Variants in ADAMTS14 observed in about 807,000 individuals in gnomAD.
The protein encoded by ADAMTS14 is ADAM metallopeptidase with thrombospondin type 1 motif 14.
Under a neutral mutation model 128.6 loss-of-function variants are expected in ADAMTS14, and 100 were observed. The ratio of observed to expected loss-of-function variants is 0.78; its 90% CI spans 0.66 to 0.92. The LOEUF (loss-of-function observed/expected upper bound fraction) is 0.92, where lower values mean the gene tolerates loss of function less well. Ranked by LOEUF, ADAMTS14 falls within the 40% of genes least tolerant of loss-of-function variation. The pLI, the probability that ADAMTS14 is intolerant of heterozygous loss-of-function variation, is 0.00. For synonymous variants in ADAMTS14, 665 were observed against 653.8 expected (o/e 1.02, Z -0.26); for missense variants, 1,562 against 1,658.6 (o/e 0.94, Z 1.01).
At chr10:70,744,298 G>C (rs1051483539) in intron 14 of ADAMTS14, 109 bp downstream of exon 14, 1 of 1,333,374 alleles carries the variant, frequency 7.5e-7, no homozygotes, top group Non-Finnish European at 9.7e-7. Flanking sequence ...TGGGGAGAAG[G>C]GGCCCTGGGG....
At chr10:70,689,501 G>A (rs769027987) in intron 2 of ADAMTS14, among the ~76,000 whole-genome samples, 5 of 145,278 alleles carry the variant, frequency 3.4e-5, no homozygotes, top group African/African-American at 9.8e-5. Context: ...GCGAAGGCGC[G>A]GAGGCCCATG....
intron 2 of ADAMTS14, among the ~76,000 whole-genome samples, chr10:70,692,545 G>A (rs1244506047): frequency 6.6e-6 from 1 of 152,178 alleles, no homozygotes; most frequent in Non-Finnish European, 1.5e-5. Flanking sequence ...TGTAAACTTT[G>A]TTTAGGGAAT....
intron 4 of ADAMTS14, among the ~76,000 whole-genome samples, chr10:70,723,139 C>T (rs1284234364): frequency 2.0e-5 from 3 of 152,128 alleles, no homozygotes; most frequent in African/African-American, 7.2e-5. Flanking sequence ...CCCAATAGCC[C>T]CCATCTAACC....
At chr10:70,672,913 C>T in intron 1 of ADAMTS14, 29 bp downstream of exon 1, 2 of 1,436,236 alleles carry the variant, frequency 1.4e-6, no homozygotes, top group Admixed American at 2.9e-5. Flanking sequence ...CGCGGGGGCC[C>T]GTGGGGTCCG....
At chr10:70,681,977 T>A (rs1839822383) in intron 2 of ADAMTS14, among the ~76,000 whole-genome samples, 1 of 152,260 alleles carries the variant, frequency 6.6e-6, no homozygotes, top group Non-Finnish European at 1.5e-5. Context: ...GCCCCTGCCC[T>A]GTCCAGGCTG....
chr10:70,704,589 C>T (rs561099816), intron 3 of ADAMTS14, among the ~76,000 whole-genome samples: 33 of 149,488 alleles, frequency 2.2e-4, no homozygotes, highest in African/African-American at 6.2e-4. Context: ...TGCAAACACA[C>T]GCTCACAAAC....
In ADAMTS14 at chr10:70,727,880, G is replaced by A. The variant is rs1271158909; in HGVS notation, c.871-1414G>A. ...GGAGGCTGAGGCGGGTGGATCATGA[G>A]GTCAGGAGATCGAGACCATCCTGGC... On this transcript the variant is annotated intron_variant, in intron 4 of 21. Transcript: ENST00000373207. 2.6e-5 allele frequency among the ~76,000 whole-genome samples: 4 copies of A among 152,294 alleles called. No individual in the cohort carries two copies. The East Asian group carries it at 5.8e-4, about 22-fold the overall frequency.
Position 70,760,550 on chromosome 10 carries a change from AC to A in ADAMTS14, c.3373del (p.Gln1125ArgfsTer85). On this transcript the variant is annotated frameshift_variant, in exon 22 of 22. Transcript: ENST00000373207. ...FSTPGSPLPG[P>X]QDPADAAEPP... ...CCACTCCTGGAAGCCCCTTACCAGG[AC>A]CCCAGGACCCTGCAGATGCTGCAGA... The A allele has an allele frequency of 6.2e-7, 1 of 1,612,108 alleles. No individual in the cohort carries two copies. Among genetic ancestry groups the A allele is most frequent in the Non-Finnish European group, 8.5e-7 (1 of 1,178,912 alleles).
intron 2 of ADAMTS14, among the ~76,000 whole-genome samples, chr10:70,700,170 G>A (rs900702550): frequency 1.3e-5 from 2 of 152,054 alleles, no homozygotes; most frequent in African/African-American, 2.4e-5. Context: ...GGGGAGTTCT[G>A]CAGGCGTACA....
intron 4 of ADAMTS14, among the ~76,000 whole-genome samples, chr10:70,714,272 A>G (rs2132628310): frequency 6.6e-6 from 1 of 152,378 alleles, no homozygotes; most frequent in African/African-American, 2.4e-5. Flanking sequence ...GACTCTTTGT[A>G]GACTCGACCT....
At chr10:70,706,308 GT>G (rs903105419) in intron 3 of ADAMTS14, among the ~76,000 whole-genome samples, 13 of 152,226 alleles carry the variant, frequency 8.5e-5, no homozygotes, top group African/African-American at 3.1e-4. Context: ...AAGCTGCTGC[GT>G]GACCTAGGGC....
chr10:70,681,283 G>A (rs1366802749), intron 2 of ADAMTS14, among the ~76,000 whole-genome samples: 1 of 152,188 alleles, frequency 6.6e-6, no homozygotes, highest in East Asian at 1.9e-4. Context: ...CAGGGTAGGG[G>A]ACATTTGGGC....
intron 2 of ADAMTS14, among the ~76,000 whole-genome samples, chr10:70,699,233 A>G (rs903550230): frequency 1.3e-5 from 2 of 152,204 alleles, no homozygotes; most frequent in African/African-American, 2.4e-5. Context: ...ACTTTGGGCC[A>G]GTTACTTAAC....
Position 70,743,611 on chromosome 10 carries a change from A to G in ADAMTS14, c.1988A>G (p.Gln663Arg), listed in dbSNP as rs561617693. 7.4e-6 allele frequency: 12 copies of G among 1,612,860 alleles called. No individual in the cohort carries two copies. The highest frequency in any genetic ancestry group is 5.0e-5 in the Admixed American group (3 of 59,620). ...ADTGDVVFMN[Q>R]VVHDGTRCSY... ...ACGGGGGACGTGGTGTTCATGAACC[A>G]GGTGGTTCACGATGGGACACGCTGC... Residue 663 changes from glutamine (Q) to arginine (R), a missense_variant, in exon 13 of 22, where the codon CAG becomes CGG. Gln to Arg is a conservative substitution (Grantham distance 43, BLOSUM62 1). Transcript: ENST00000373207.
At chr10:70,721,567 T>C (rs1589298057) in intron 4 of ADAMTS14, among the ~76,000 whole-genome samples, 1 of 152,050 alleles carries the variant, frequency 6.6e-6, no homozygotes, top group South Asian at 2.1e-4. Flanking sequence ...TTCTGTATTG[T>C]TAGTAGAGAC....
chr10:70,697,711 C>G (rs1840371128), intron 2 of ADAMTS14, among the ~76,000 whole-genome samples: 1 of 152,178 alleles, frequency 6.6e-6, no homozygotes, highest in Non-Finnish European at 1.5e-5. Context: ...GATTTCTAAG[C>G]CAGCACTCGC....
At position 70,674,599 on chromosome 10, in the gene ADAMTS14, G is replaced by A; in HGVS notation, c.126G>A (p.Val42=). ...SGKLSDYGVT[V]PCSTDFRGRF... The stretch of plus-strand genomic sequence containing the variant: ...AGCTCAGTGACTATGGTGTGACAGT[G>A]CCCTGCAGCACAGACTTTCGGGGAC... The change falls in exon 2 of 22, where the codon GTG becomes GTA. Residue 42 remains valine (V), a synonymous_variant. Coordinates refer to ENST00000373207, the MANE Select transcript of ADAMTS14 (RefSeq NM_080722.4). 1.2e-6 allele frequency: 2 copies of A among 1,613,986 alleles called. No homozygotes were observed. Among genetic ancestry groups the A allele is most frequent in the Non-Finnish European group, 1.7e-6 (2 of 1,179,996 alleles).
chr10:70,674,192 C>A (rs939597206), intron 1 of ADAMTS14, among the ~76,000 whole-genome samples: 9 of 152,304 alleles, frequency 5.9e-5, no homozygotes, highest in South Asian at 4.1e-4. Flanking sequence ...GCAGATCTGC[C>A]CTTCCCTTTA....
intron 4 of ADAMTS14, among the ~76,000 whole-genome samples, chr10:70,722,764 G>GA (rs1228396987): frequency 1.3e-5 from 2 of 152,178 alleles, no homozygotes; most frequent in Non-Finnish European, 2.9e-5. Context: ...AAATCACAGA[G>GA]AATTATAGCC....
Sources: allele counts gnomAD v4.1 joint callset (sites outside exome capture counted in the v4.1 genomes callset), GRCh38; gene constraint gnomAD v4.1.1; transcripts MANE v1.5; gene names NCBI Gene and HGNC (gene_info 2026-07-23, HGNC 2026-07-21).